The following CNGB1 variants were observed in gnomAD, a reference collection of about 807,000 sequenced individuals.
CNGB1 encodes cyclic nucleotide gated channel subunit beta 1.
In CNGB1, 126 loss-of-function variants were observed where a neutral mutation model predicts 151.7. The observed-to-expected ratio is 0.83, with a 90% confidence interval of 0.72 to 0.96. CNGB1 has a LOEUF of 0.96. CNGB1 is among the 40% of genes least tolerant of loss of function. The pLI is 0.00. For synonymous variants in CNGB1, 623 were observed against 635.1 expected, an observed-to-expected ratio of 0.98 and a Z score of 0.29; for missense variants, 1,698 against 1,627.0, an observed-to-expected ratio of 1.04 and a Z score of -0.75.
intron 14 of CNGB1, among the ~76,000 whole-genome samples, chr16:57,946,902 T>C (rs373710517): frequency 6.6e-6 from 1 of 152,362 alleles, no homozygotes; most frequent in South Asian, 2.1e-4. Flanking sequence ...TATGAAGATG[T>C]TCACGCCTGC....
At chr16:57,906,450 G>T (rs935825559) in intron 25 of CNGB1, among the ~76,000 whole-genome samples, 1 of 152,216 alleles carries the variant, frequency 6.6e-6, no homozygotes, top group Non-Finnish European at 1.5e-5. Context: ...GACGTGCAAT[G>T]CGTGCAGGAA....
chr16:57,904,886 A>AGG lies in CNGB1; in HGVS notation c.2493-13_2493-12dup, dbSNP rs1960502493. 6.2e-7 allele frequency: 1 copy of AGG among 1,614,134 alleles called. No individual in the cohort carries two copies. The highest frequency in any genetic ancestry group is 8.5e-7 in the Non-Finnish European group (1 of 1,180,034). On this transcript the variant is annotated splice_polypyrimidine_tract_variant and intron_variant, in intron 25 of 32. Transcript: ENST00000251102. Reference sequence around the variant, plus strand: ...TAACAGCGAATATAACTGGAGAGAGAGGAGAAAGGGAACATGGGTCATCAC... The same window carrying AGG: ...TAACAGCGAATATAACTGGAGAGAGAGGGGAGAAAGGGAACATGGGTCATCAC...
chr16:57,909,179 G>GA (rs1960639052), intron 25 of CNGB1, among the ~76,000 whole-genome samples: 1 of 152,052 alleles, frequency 6.6e-6, no homozygotes, highest in Non-Finnish European at 1.5e-5. Flanking sequence ...GAGGTGGGGG[G>GA]ATCACTTGAG....
chr16:57,936,756 G>A (rs1400994823), intron 16 of CNGB1, among the ~76,000 whole-genome samples: 1 of 151,604 alleles, frequency 6.6e-6, no homozygotes. Flanking sequence ...CTGCATTCCA[G>A]CCTGGGTGAC....
intron 13 of CNGB1, among the ~76,000 whole-genome samples, 181 bp from the exon 14 acceptor site, chr16:57,949,620 C>T: frequency 6.6e-6 from 1 of 152,204 alleles, no homozygotes; most frequent in Middle Eastern, 3.2e-3. Context: ...GCAACAAACC[C>T]TCTCCTCTGC....
intron 1 of CNGB1, 64 bp from the exon 2 acceptor site, chr16:57,967,358 C>A (rs1962426881): frequency 1.1e-5 from 17 of 1,503,098 alleles, no homozygotes; most frequent in Non-Finnish European, 1.6e-5. Context: ...CACTTATGGG[C>A]CACTCTTATG....
At position 57,882,731 on chromosome 16, in the gene CNGB1, T is replaced by C. The variant is rs1252092168; in HGVS notation, c.*1433A>G. 6.6e-6 allele frequency: 1 copy of C among 152,182 alleles called. No homozygotes were observed. The highest frequency in any genetic ancestry group is 1.5e-5 in the Non-Finnish European group (1 of 68,042). 9.4% of individuals were successfully genotyped at this position (152,182 alleles called of 1,614,324 possible). On this transcript the variant is annotated 3_prime_UTR_variant, in exon 33 of 33. Transcript: ENST00000251102. ...TCACTCCCCCAAGAGCCATTTGGTA[T>C]GCAAATAAAATCCTCTTGATAAATA...
chr16:57,967,014 C>A, intron 2 of CNGB1, 114 bp downstream of exon 2: 1 of 1,498,406 alleles, frequency 6.7e-7, no homozygotes. Context: ...CCCCACTTTT[C>A]CTTCTGATGC....
At chr16:57,957,477 C>A (rs1962119525) in intron 11 of CNGB1, 100 bp from the exon 12 acceptor site, 2 of 998,166 alleles carry the variant, frequency 2.0e-6, no homozygotes, top group Admixed American at 1.8e-5. Flanking sequence ...ACCCACCTCT[C>A]CGGGCCTTAG....
intron 10 of CNGB1, among the ~76,000 whole-genome samples, chr16:57,958,921 CT>C (rs10708381): frequency 0.45 from 54,338 of 119,804 alleles, 11,251 homozygotes; most frequent in Non-Finnish European, 0.52. Flanking sequence ...TCATGCCCAG[CT>C]TTTTTTTTTT....
At chr16:57,913,952 G>A (rs1329725368) in intron 23 of CNGB1, among the ~76,000 whole-genome samples, 1 of 152,208 alleles carries the variant, frequency 6.6e-6, no homozygotes, top group Non-Finnish European at 1.5e-5. Context: ...AGAGCTGCAA[G>A]CTCTCTCCTT....
At position 57,882,791 on chromosome 16, in the gene CNGB1, T is replaced by C. The variant is rs28657561; in HGVS notation, c.*1373A>G. 4 of 141,640 alleles carry C rather than the reference T, an allele frequency of 2.8e-5. No homozygotes were observed. Among genetic ancestry groups the C allele is most frequent in the Admixed American group, 7.4e-5 (1 of 13,468 alleles). 8.8% of individuals were successfully genotyped at this position (141,640 alleles called of 1,614,324 possible). A position where few individuals can be genotyped will look rare whatever the true frequency, so the allele number is the denominator to read the frequency against. ...TGAATGACCCTTTTTTCTTTTTTTT[T>C]CTTTTTTCTTTTTTTTTTTTTGTCT... is the stretch of plus-strand genomic sequence containing the variant. On this transcript the variant is annotated 3_prime_UTR_variant, in exon 33 of 33. Coordinates refer to ENST00000251102, the MANE Select transcript of CNGB1 (RefSeq NM_001297.5).
At chr16:57,955,449 T>C (rs1962060400) in intron 12 of CNGB1, 1 of 1,195,930 alleles carries the variant, frequency 8.4e-7, no homozygotes, top group African/African-American at 1.5e-5. Context: ...AGTGGATGAG[T>C]GAATGAATGG....
chr16:57,930,946 G>A (rs996118551), intron 17 of CNGB1, among the ~76,000 whole-genome samples: 8 of 152,026 alleles, frequency 5.3e-5, no homozygotes, highest in African/African-American at 1.7e-4. Flanking sequence ...GAGATGTGCT[G>A]TAAATAATGT....
At position 57,883,950 on chromosome 16, in the gene CNGB1, T is replaced by C. The variant is rs1271668766; in HGVS notation, c.*214A>G. ...AGAGCTCAGGGACTCGAACACTTGATGCAACTTGTCGAGCTCAGGCCCAGC... is the reference window on the plus strand; with the variant it reads ...AGAGCTCAGGGACTCGAACACTTGACGCAACTTGTCGAGCTCAGGCCCAGC... On this transcript the variant is annotated 3_prime_UTR_variant, in exon 33 of 33. Coordinates refer to ENST00000251102, the MANE Select transcript of CNGB1 (RefSeq NM_001297.5). 16 of 623,420 alleles carry C rather than the reference T, an allele frequency of 2.6e-5. No homozygotes were observed. The highest frequency in any genetic ancestry group is 4.0e-5 in the Non-Finnish European group (14 of 350,592). The allele number at this position is 623,420 out of a possible 1,614,324, so 38.6% of individuals were successfully genotyped here.
At chr16:57,886,250 G>T (rs1959927409) in intron 32 of CNGB1, among the ~76,000 whole-genome samples, 2 of 152,100 alleles carry the variant, frequency 1.3e-5, no homozygotes, top group African/African-American at 4.8e-5. Flanking sequence ...GAAGGGAAGT[G>T]CCTTTTAATG....
rs910637111 is a variant in CNGB1 at position 57,950,435 on chromosome 16, G to C, written c.980C>G (p.Thr327Arg). ...HQDVSTSPQG[T>R]EVVPAYEEEN... is the part of the protein sequence containing the mutation. ...TTCTTCATAAGCTGGAACCACCTCT[G>C]TACCCTGTGGGCTGGTACTGACATC... Residue 327 changes from threonine (T) to arginine (R), a missense_variant, in exon 13 of 33, where the codon ACA becomes AGA. Transcript: ENST00000251102. 10 of 1,614,244 alleles carry C rather than the reference G, an allele frequency of 6.2e-6. No homozygotes were observed. Among genetic ancestry groups the C allele is most frequent in the Non-Finnish European group, 8.5e-6 (10 of 1,180,042 alleles).
intron 20 of CNGB1, among the ~76,000 whole-genome samples, chr16:57,918,558 G>A (rs761838385): frequency 8.5e-5 from 13 of 152,180 alleles, no homozygotes; most frequent in Non-Finnish European, 1.6e-4. Context: ...AGGCCAGCAC[G>A]ACCAGAGTGA....
In CNGB1 at chr16:57,884,548, A is replaced by AC; in HGVS notation, c.3463-92dup. 3 of 1,436,700 alleles carry AC rather than the reference A, an allele frequency of 2.1e-6. No homozygotes were observed. The South Asian group carries it at 3.5e-5, about 17-fold the overall frequency. The allele number at this position is 1,436,700 out of a possible 1,614,324, so 89.0% of individuals were successfully genotyped here. A position where few individuals can be genotyped will look rare whatever the true frequency, so the allele number is the denominator to read the frequency against. ...CACCTCCCTGTTCCAGCCTTTTTGG[A>AC]CCCCCAAAGAGGGCAGCGGAACACA... is the stretch of plus-strand genomic sequence containing the variant. On this transcript the variant is annotated intron_variant, in intron 32 of 32. Transcript: ENST00000251102.
Sources: allele counts gnomAD v4.1 joint callset (sites outside exome capture counted in the v4.1 genomes callset), GRCh38; gene constraint gnomAD v4.1.1; transcripts MANE v1.5; gene names NCBI Gene and HGNC (gene_info 2026-07-23, HGNC 2026-07-21).